VDAC1: variants seen among roughly 807,000 people sequenced by gnomAD.
VDAC1 encodes non-selective voltage-gated ion channel VDAC1.
In VDAC1, 10 loss-of-function variants were observed where a neutral mutation model predicts 34.7. That is an observed-to-expected ratio of 0.29 (90% confidence interval 0.18 to 0.49). The LOEUF (loss-of-function observed/expected upper bound fraction) is 0.49, where lower values mean the gene tolerates loss of function less well. Among genes scored for constraint, VDAC1 ranks in the 20% least tolerant of loss-of-function variants. VDAC1 has a pLI of 0.99. For synonymous variants in VDAC1, 130 were observed against 136.0 expected (o/e 0.96, Z 0.30); for missense variants, 230 against 347.9 (o/e 0.66, Z 2.69).
intron 1 of VDAC1, among the ~76,000 whole-genome samples, chr5:133,993,701 T>G (rs142641931): frequency 1.3e-5 from 2 of 152,228 alleles, no homozygotes; most frequent in Non-Finnish European, 2.9e-5. Context: ...TGAGCTCCAG[T>G]GTAACTTTAT....
the VDAC1 span, among the ~76,000 whole-genome samples, chr5:134,055,588 G>GTTTATTTTTTTTTTTTTTTTTTTT: frequency 1.7e-5 from 1 of 59,626 alleles, no homozygotes; most frequent in Non-Finnish European, 2.9e-5. Flanking sequence ...CCCCGCTAAT[G>GTTTATTTTTTTTTTTTTTTTTTTT]TTTTTTTTTT....
At chr5:134,002,423 C>T (rs1280247125) in intron 1 of VDAC1, among the ~76,000 whole-genome samples, 1 of 152,216 alleles carries the variant, frequency 6.6e-6, no homozygotes, top group Non-Finnish European at 1.5e-5. Context: ...CATCCACCCA[C>T]CATGAGGGAA....
chr5:134,040,980 A>G, the VDAC1 span, among the ~76,000 whole-genome samples: 1 of 152,224 alleles, frequency 6.6e-6, no homozygotes, highest in Admixed American at 6.5e-5. Context: ...CTTTCACTAA[A>G]AGGATTAATA....
intron 1 of VDAC1, 84 bp from the exon 2 acceptor site, chr5:133,993,102 A>G: frequency 7.2e-7 from 1 of 1,383,916 alleles, no homozygotes; most frequent in Non-Finnish European, 9.9e-7. Context: ...AGATGTAATT[A>G]GCAACCAATA....
chr5:134,074,979 C>G, the VDAC1 span, among the ~76,000 whole-genome samples: 1 of 152,174 alleles, frequency 6.6e-6, no homozygotes, highest in East Asian at 1.9e-4. Flanking sequence ...CTACTCATAA[C>G]TTTGCTCAGT....
the VDAC1 span, among the ~76,000 whole-genome samples, chr5:134,085,395 G>C: frequency 6.6e-6 from 1 of 152,014 alleles, no homozygotes; most frequent in Non-Finnish European, 1.5e-5. Flanking sequence ...AGAAACCTGG[G>C]AAGCCACTGA....
At chr5:134,028,201 C>T in the VDAC1 span, among the ~76,000 whole-genome samples, 2 of 151,990 alleles carry the variant, frequency 1.3e-5, no homozygotes, top group South Asian at 2.1e-4. Flanking sequence ...GGTGCCATCT[C>T]GGCTCACTGC....
At chr5:133,984,345 G>A (rs542403036) in intron 5 of VDAC1, among the ~76,000 whole-genome samples, 1 of 151,434 alleles carries the variant, frequency 6.6e-6, no homozygotes, top group Non-Finnish European at 1.5e-5. Context: ...ACAGGTGTGA[G>A]CCACCTCGCC....
chr5:134,063,995 A>ATTTTTTTTT, the VDAC1 span, among the ~76,000 whole-genome samples: 3 of 86,516 alleles, frequency 3.5e-5, no homozygotes, highest in South Asian at 4.5e-4. Flanking sequence ...ACCTGTACTA[A>ATTTTTTTTT]TTTTTTTTTT....
the VDAC1 span, among the ~76,000 whole-genome samples, chr5:134,073,796 A>G: frequency 6.6e-6 from 1 of 151,832 alleles, no homozygotes; most frequent in African/African-American, 2.4e-5. Context: ...TGAATAATAC[A>G]TATAACTCAG....
At chr5:134,032,497 T>C in the VDAC1 span, among the ~76,000 whole-genome samples, 6 of 152,216 alleles carry the variant, frequency 3.9e-5, no homozygotes, top group African/African-American at 4.8e-5. Context: ...AAAGCATACA[T>C]GTGCAAGATT....
At chr5:134,089,751 A>G in the VDAC1 span, among the ~76,000 whole-genome samples, 1 of 152,068 alleles carries the variant, frequency 6.6e-6, no homozygotes, top group African/African-American at 2.4e-5. Context: ...GCATTTTGGG[A>G]GGCCAAGGCG....
the VDAC1 span, among the ~76,000 whole-genome samples, chr5:134,068,342 T>C: frequency 6.6e-6 from 1 of 152,036 alleles, no homozygotes; most frequent in Non-Finnish European, 1.5e-5. Context: ...CAGTTTTTTT[T>C]TTCTTTTTGA....
At chr5:133,979,424 C>CTTTTTTTTTTGTTTTT (rs1752603009) in intron 6 of VDAC1, among the ~76,000 whole-genome samples, 1 of 80,990 alleles carries the variant, frequency 1.2e-5, no homozygotes, top group Non-Finnish European at 2.1e-5. Flanking sequence ...ATTTTCTTTG[C>CTTTTTTTTTTGTTTTT]TTTTTTTTTT....
the VDAC1 span, among the ~76,000 whole-genome samples, chr5:134,064,715 C>CTTT: frequency 1.4e-5 from 2 of 147,122 alleles, no homozygotes; most frequent in African/African-American, 2.5e-5. Flanking sequence ...TCTGTAACTT[C>CTTT]TTTTTTTTTT....
At chr5:134,033,848 C>T in the VDAC1 span, among the ~76,000 whole-genome samples, 6 of 151,850 alleles carry the variant, frequency 4.0e-5, no homozygotes, top group East Asian at 1.9e-4. Context: ...AAAAATTAGC[C>T]GGGAGTGGTG....
chr5:133,995,303 G>A (rs1038598498), intron 1 of VDAC1, among the ~76,000 whole-genome samples: 15 of 152,184 alleles, frequency 9.9e-5, no homozygotes, highest in African/African-American at 2.4e-4. Context: ...CCAGCAGCAC[G>A]CAAGTGAACT....
the VDAC1 span, among the ~76,000 whole-genome samples, chr5:134,066,648 G>A: frequency 6.6e-6 from 1 of 152,148 alleles, no homozygotes; most frequent in Non-Finnish European, 1.5e-5. Context: ...AAATTATCGG[G>A]GGCCCAGTCT....
the VDAC1 span, among the ~76,000 whole-genome samples, chr5:134,109,770 CAAAAAAAA>C: frequency 7.1e-6 from 1 of 140,278 alleles, no homozygotes; most frequent in Admixed American, 7.1e-5. Flanking sequence ...GGCTCCATCT[CAAAAAAAA>C]AAAAAAAAAA....
Sources: gnomAD v4.1 joint callset for allele counts (sites outside exome capture counted in the v4.1 genomes callset) on GRCh38, gnomAD v4.1.1 for gene constraint, MANE v1.5 for transcripts, NCBI Gene and HGNC (gene_info 2026-07-23, HGNC 2026-07-21) for gene names.